Variants in ASMTL observed in about 807,000 individuals in gnomAD.
ASMTL encodes acetylserotonin O-methyltransferase like.
Under a neutral mutation model 60.3 loss-of-function variants are expected in ASMTL, and 57 were observed. The ratio of observed to expected loss-of-function variants is 0.95; its 90% CI spans 0.76 to 1.18. ASMTL has a LOEUF of 1.18. Ranked by LOEUF, ASMTL falls within the 50% of genes most tolerant of loss-of-function variation. The pLI is 0.00. For synonymous variants in ASMTL, 419 were observed against 373.0 expected (o/e 1.12, Z -1.42); for missense variants, 981 against 852.6 (o/e 1.15, Z -1.88).
chrX:1,419,138 G>A (rs779464279), intron 9 of ASMTL, 24 bp from the exon 10 acceptor site: 124 of 1,609,404 alleles, frequency 7.7e-5, no homozygotes, highest in Admixed American at 1.8e-4. Flanking sequence ...GGTGCTTAGG[G>A]GCACCAGAGA....
chrX:1,415,960 CAG>C (rs1202560750), intron 11 of ASMTL, among the ~76,000 whole-genome samples: 3 of 152,028 alleles, frequency 2.0e-5, no homozygotes, highest in South Asian at 2.1e-4. Context: ...ATGCAGGACA[CAG>C]ATACACTGAC....
chrX:1,418,518 G>T (rs781370546), intron 10 of ASMTL, among the ~76,000 whole-genome samples: 1 of 152,072 alleles, frequency 6.6e-6, no homozygotes, highest in Admixed American at 6.5e-5. Context: ...CAGACACGAT[G>T]GCTGGTGCTA....
intron 11 of ASMTL, 23 bp downstream of exon 11, chrX:1,417,949 AG>A: frequency 6.3e-7 from 1 of 1,588,898 alleles, no homozygotes; most frequent in Non-Finnish European, 8.6e-7. Flanking sequence ...AAAGGTTAGC[AG>A]GGTGAACAGG....
chrX:1,417,096 C>T (rs779851365), intron 11 of ASMTL, among the ~76,000 whole-genome samples: 3 of 151,916 alleles, frequency 2.0e-5, no homozygotes, highest in Non-Finnish European at 2.9e-5. Context: ...TAGATGCAGA[C>T]ACACAGACAA....
intron 11 of ASMTL, among the ~76,000 whole-genome samples, chrX:1,413,523 G>A (rs5989844): frequency 0.012 from 1,799 of 152,334 alleles, 37 homozygotes; most frequent in African/African-American, 0.041. Flanking sequence ...GTTGCCTGTT[G>A]CGGGGGGCGC....
intron 12 of ASMTL, among the ~76,000 whole-genome samples, chrX:1,404,776 AATGG>A (rs2089745236): frequency 6.7e-6 from 1 of 150,304 alleles, no homozygotes; most frequent in African/African-American, 2.5e-5. Context: ...TAGATAGATG[AATGG>A]ATGGATATAT....
intron 12 of ASMTL, chrX:1,403,701 G>A (rs768771289): frequency 3.3e-6 from 2 of 601,890 alleles, no homozygotes; most frequent in Admixed American, 5.9e-5. Flanking sequence ...TTGATCGAAA[G>A]ATGGATGGAT....
Position 1,435,740 on chromosome X carries a change from G to A in ASMTL, c.292C>T (p.Leu98=), listed in dbSNP as rs1327675598. The stretch of plus-strand genomic sequence containing the variant: ...TCCTGCTTGTCCACCGGCTTCTCCA[G>A]AATCAGCCCCCCGACTGTCTGTGAG... ...DTIVTVGGLI[L]EKPVDKQDAY... is the part of the protein sequence containing the mutation. The change falls in exon 4 of 13, where the codon CTG becomes TTG. Residue 98 remains leucine (L), a synonymous_variant. Coordinates refer to ENST00000381317, the MANE Select transcript of ASMTL (RefSeq NM_004192.4). 6.2e-7 allele frequency: 1 copy of A among 1,613,492 alleles called. No homozygotes were observed. The highest frequency in any genetic ancestry group is 1.3e-5 in the African/African-American group (1 of 74,864).
Position 1,450,736 on chromosome X carries a change from T to A in ASMTL, c.93+2012A>T, listed in dbSNP as rs28971030. Among the ~76,000 whole-genome samples, 323 of 117,566 alleles carry A rather than the reference T, an allele frequency of 2.7e-3. 8 individuals are homozygous for A. The highest frequency in any genetic ancestry group is 0.01 in the African/African-American group (300 of 29,782). The allele number at this position is 117,566 out of a possible 152,430, so 77.1% of individuals were successfully genotyped here. A position where few individuals can be genotyped will look rare whatever the true frequency, so the allele number is the denominator to read the frequency against. ...CCCATCCCTAGGGGTTCTGGGTTAC[T>A]CTCCCCTCCCCCATCCCTAGGGTTC... On this transcript the variant is annotated intron_variant, in intron 1 of 12. Coordinates refer to ENST00000381317, the MANE Select transcript of ASMTL (RefSeq NM_004192.4).
At chrX:1,446,124 G>A (rs1290580978) in intron 1 of ASMTL, among the ~76,000 whole-genome samples, 4 of 152,174 alleles carry the variant, frequency 2.6e-5, no homozygotes, top group Non-Finnish European at 4.4e-5. Flanking sequence ...GCAAATTAGT[G>A]AAAGTACTAA....
chrX:1,445,246 T>C (rs2091208208), intron 1 of ASMTL, among the ~76,000 whole-genome samples: 1 of 152,058 alleles, frequency 6.6e-6, no homozygotes, highest in African/African-American at 2.4e-5. Flanking sequence ...ATAAAGAGGA[T>C]TCTGGGTCTC....
intron 1 of ASMTL, among the ~76,000 whole-genome samples, chrX:1,443,309 C>G (rs62604192): frequency 0.012 from 79 of 6,602 alleles, 20 homozygotes; most frequent in Middle Eastern, 0.5. Context: ...ATCTTGGACA[C>G]ACACCGCCAT....
intron 3 of ASMTL, among the ~76,000 whole-genome samples, chrX:1,437,219 T>C (rs773934431): frequency 7.4e-4 from 113 of 152,188 alleles, no homozygotes; most frequent in African/African-American, 2.5e-3. Flanking sequence ...TCCTGAGGCC[T>C]CTCTCCTAGG....
rs370722223 is a variant in ASMTL, at chrX:1,403,484, C to T, written c.1651G>A (p.Gly551Ser). 4.7e-5 allele frequency: 75 copies of T among 1,612,670 alleles called. No homozygotes were observed. The highest frequency in any genetic ancestry group is 1.1e-4 in the East Asian group (5 of 44,900). Residue 551 changes from glycine (G) to serine (S), a missense_variant, in exon 13 of 13, where the codon GGC becomes AGC. By Grantham distance (56) the Gly-to-Ser change is moderately conservative. Coordinates refer to ENST00000381317, the MANE Select transcript of ASMTL (RefSeq NM_004192.4). ...RVAESCKPGA[G>S]LLLVETLLDE... The stretch of plus-strand genomic sequence containing the variant: ...AGGAGCGTCTCCACCAGCAGCAGGC[C>T]GGCCCCTGAGGGAGACAGCAGAGAG...
intron 12 of ASMTL, among the ~76,000 whole-genome samples, chrX:1,411,336 C>T (rs1223308335): frequency 2.6e-5 from 4 of 152,166 alleles, no homozygotes; most frequent in Middle Eastern, 3.2e-3. Flanking sequence ...GATAATTAAC[C>T]GTTGTCTGCA....
chrX:1,419,821 G>A (rs1209859827), intron 9 of ASMTL, among the ~76,000 whole-genome samples: 10 of 152,204 alleles, frequency 6.6e-5, no homozygotes, highest in Admixed American at 2.0e-4. Context: ...TGGGGCTCAG[G>A]GATCTGTCCT....
At chrX:1,406,096 A>G (rs1271349371) in intron 12 of ASMTL, among the ~76,000 whole-genome samples, 2 of 144,562 alleles carry the variant, frequency 1.4e-5, no homozygotes, top group African/African-American at 2.5e-5. Context: ...GGATGGGTGA[A>G]TAAATGGGTA....
At chrX:1,404,637 GGATGCATGGATGA>G (rs2089736846) in intron 12 of ASMTL, among the ~76,000 whole-genome samples, 1 of 151,116 alleles carries the variant, frequency 6.6e-6, no homozygotes, top group Non-Finnish European at 1.5e-5. Flanking sequence ...ACGGATAGAT[GGATGCATGGATGA>G]GATGGATGGA....
rs368676109 is a variant in ASMTL at position 1,428,109 on chromosome X, G to A, written c.522C>T (p.Gly174=). The A allele has an allele frequency of 3.3e-5, 53 of 1,603,906 alleles. No individual in the cohort carries two copies. In the East Asian group the frequency reaches 3.4e-4, roughly 10 times the overall value. ...VHSGEPMDKA[G]GYGIQALGGM... is the part of the protein sequence containing the mutation. ...CGCCCAGGGCCTGGATCCCGTAGCC[G>A]CCAGCTTTGTCCCTGGGTGGGCAGG... The change falls in exon 7 of 13, where the codon GGC becomes GGT. Residue 174 remains glycine (G), a synonymous_variant. Coordinates refer to ENST00000381317, the MANE Select transcript of ASMTL (RefSeq NM_004192.4).
Sources: allele counts gnomAD v4.1 joint callset (sites outside exome capture counted in the v4.1 genomes callset), GRCh38; gene constraint gnomAD v4.1.1; transcripts MANE v1.5; gene names NCBI Gene and HGNC (gene_info 2026-07-23, HGNC 2026-07-21).